Variants in NDUFAF6 observed in about 807,000 individuals in gnomAD.
The protein encoded by NDUFAF6 is NADH dehydrogenase (ubiquinone) complex I, assembly factor 6.
NDUFAF6 carries 45 observed loss-of-function variants against 40.8 expected under a neutral mutation model. That is an observed-to-expected ratio of 1.10 (90% CI 0.87 to 1.42). The LOEUF (loss-of-function observed/expected upper bound fraction) is 1.42, where lower values mean the gene tolerates loss of function less well. Ranked by LOEUF, NDUFAF6 falls within the 40% of genes most tolerant of loss-of-function variation. The pLI is 0.00. For synonymous variants in NDUFAF6, 185 were observed against 155.9 expected (o/e 1.19, Z -1.39); for missense variants, 435 against 418.5 (o/e 1.04, Z -0.34).
At chr8:94,948,557 G>A (rs1822222767) in intron 2 of NDUFAF6, among the ~76,000 whole-genome samples, 1 of 152,168 alleles carries the variant, frequency 6.6e-6, no homozygotes, top group Non-Finnish European at 1.5e-5. Flanking sequence ...CCGGGTCACG[G>A]AGCAGGTTCC....
intron 1 of NDUFAF6, among the ~76,000 whole-genome samples, chr8:94,964,428 CAAAA>C (rs71569104): frequency 1.6e-4 from 11 of 68,990 alleles, no homozygotes; most frequent in African/African-American, 1.9e-4. Context: ...GACCCTGTCT[CAAAA>C]AAAAAAAAAA....
intron 2 of NDUFAF6, among the ~76,000 whole-genome samples, chr8:94,997,359 G>GAC (rs1826499216): frequency 3.3e-5 from 5 of 150,488 alleles, no homozygotes; most frequent in African/African-American, 4.9e-5. Context: ...GAGAGAGAGA[G>GAC]AGAGAGACAG....
At chr8:94,927,021 G>T (rs1281592278) in intron 1 of NDUFAF6, 2 of 152,200 alleles carry the variant, frequency 1.3e-5, no homozygotes, top group Non-Finnish European at 2.9e-5. Context: ...AAAATAAAAA[G>T]ATAATTTTAA....
intron 2 of NDUFAF6, among the ~76,000 whole-genome samples, chr8:94,946,924 G>C (rs969454445): frequency 1.3e-5 from 2 of 152,208 alleles, no homozygotes; most frequent in South Asian, 4.1e-4. Flanking sequence ...CCAGTTGTGA[G>C]ACTGTCAACA....
At position 94,980,897 on chromosome 8, in the gene NDUFAF6, C is replaced by A. The variant is rs185119142; in HGVS notation, c.-160C>A. 3 of 456,268 alleles carry A rather than the reference C, an allele frequency of 6.6e-6. No homozygotes were observed. In the Admixed American group the frequency reaches 7.1e-5, roughly 11 times the overall value. The allele number at this position is 456,268 out of a possible 1,614,324, so 28.3% of individuals were successfully genotyped here. A position where few individuals can be genotyped will look rare whatever the true frequency, so the allele number is the denominator to read the frequency against. ...ACCCATGAAGTGTCTGGAGCTCCAC[C>A]CTCTGCTCAAGAGGAACGGCACATG... On this transcript the variant is annotated 5_prime_UTR_variant, in exon 2 of 10. Coordinates refer to the NDUFAF6 transcript ENST00000396111.
intron 1 of NDUFAF6, among the ~76,000 whole-genome samples, chr8:94,913,218 T>G (rs1465275079): frequency 6.6e-6 from 1 of 152,166 alleles, no homozygotes; most frequent in Admixed American, 6.5e-5. Flanking sequence ...GCAGGGGACA[T>G]CTGATGCCAG....
intron 1 of NDUFAF6, among the ~76,000 whole-genome samples, chr8:94,969,078 C>G (rs1824251788): frequency 6.6e-6 from 1 of 152,132 alleles, no homozygotes; most frequent in Non-Finnish European, 1.5e-5. Flanking sequence ...AAGTTGGAGT[C>G]TGGAGTTCCG....
At chr8:94,897,706 C>T (rs1310385223) in intron 1 of NDUFAF6, among the ~76,000 whole-genome samples, 9 of 131,944 alleles carry the variant, frequency 6.8e-5, no homozygotes, top group African/African-American at 2.0e-4. Flanking sequence ...TATTCTGTGC[C>T]TTTTTTTTTT....
intron 7 of NDUFAF6, among the ~76,000 whole-genome samples, chr8:95,049,469 G>A (rs1279028999): frequency 6.6e-6 from 1 of 152,144 alleles, no homozygotes; most frequent in African/African-American, 2.4e-5. Context: ...GGTTCTCCTT[G>A]AAATGTGTCT....
intron 2 of NDUFAF6, among the ~76,000 whole-genome samples, chr8:95,007,659 GTTTTTTT>G (rs553474402): frequency 9.6e-6 from 1 of 103,788 alleles, no homozygotes; most frequent in Non-Finnish European, 1.9e-5. Flanking sequence ...GTGAGGCTCT[GTTTTTTT>G]TTTTTTTTTT....
chr8:94,935,542 T>G (rs1820898183), intron 1 of NDUFAF6, among the ~76,000 whole-genome samples: 1 of 152,206 alleles, frequency 6.6e-6, no homozygotes, highest in African/African-American at 2.4e-5. Context: ...GACAGATTGA[T>G]TAATCAAGAT....
intron 2 of NDUFAF6, among the ~76,000 whole-genome samples, chr8:95,012,262 T>A (rs1827255109): frequency 6.6e-6 from 1 of 152,232 alleles, no homozygotes; most frequent in African/African-American, 2.4e-5. Context: ...GTCTTCTTAC[T>A]GCTTTGTAAA....
chr8:95,016,686 G>A (rs889358740), intron 2 of NDUFAF6, among the ~76,000 whole-genome samples: 2 of 152,168 alleles, frequency 1.3e-5, no homozygotes, highest in African/African-American at 4.8e-5. Context: ...AGGTTGCAGT[G>A]AGCTGAGATT....
chr8:94,942,723 G>C (rs182310480), intron 1 of NDUFAF6, among the ~76,000 whole-genome samples: 1 of 152,294 alleles, frequency 6.6e-6, no homozygotes, highest in East Asian at 1.9e-4. Flanking sequence ...TGTTCTCCAG[G>C]CTACCTGGGT....
At position 95,035,553 on chromosome 8, in the gene NDUFAF6, C is replaced by T. The variant is rs1399571315; in HGVS notation, c.397C>T (p.Pro133Ser). ...ATACTGTGACAATCCACCACATCAG[C>T]CTGTGGCCATTGAACTATGGAAGGT... ...DIYCDNPPHQ[P>S]VAIELWKAVK... The change falls in exon 3 of 9, where the codon CCT (proline) becomes TCT (serine). Residue 133 changes from proline (P) to serine (S), a missense_variant. Transcript: ENST00000396124. 1 of 1,610,502 alleles carries T rather than the reference C, an allele frequency of 6.2e-7. No homozygotes were observed. The highest frequency in any genetic ancestry group is 8.5e-7 in the Non-Finnish European group (1 of 1,179,290).
chr8:95,062,969 C>G (rs1832608075), downstream of NDUFAF6, among the ~76,000 whole-genome samples: 1 of 152,150 alleles, frequency 6.6e-6, no homozygotes, highest in Admixed American at 6.5e-5. Context: ...GAGTCTGTGT[C>G]AAAGCTGTGG....
Position 95,025,827 on chromosome 8 carries a change from A to G in NDUFAF6, c.197+622A>G, listed in dbSNP as rs530666992. Among the ~76,000 whole-genome samples, 19 of 152,354 alleles carry G rather than the reference A, an allele frequency of 1.2e-4. No homozygotes were observed. In the East Asian group the frequency reaches 3.5e-3, roughly 28 times the overall value. On this transcript the variant is annotated intron_variant, in intron 1 of 8. Coordinates refer to ENST00000396124, the MANE Select transcript of NDUFAF6 (RefSeq NM_152416.4). ...CTGAAGTGTTTTGTTTGTCGGGCGT[A>G]GTGCTGGGAAGGCCTGGCACTTGGG...
intron 1 of NDUFAF6, among the ~76,000 whole-genome samples, chr8:94,978,834 T>A (rs1048232973): frequency 6.6e-6 from 1 of 152,124 alleles, no homozygotes; most frequent in Admixed American, 6.6e-5. Flanking sequence ...GAAGTGTGGG[T>A]AACCTAGGGA....
chr8:95,007,659 GTTT>G (rs553474402), intron 2 of NDUFAF6, among the ~76,000 whole-genome samples: 1 of 103,814 alleles, frequency 9.6e-6, no homozygotes, highest in African/African-American at 3.6e-5. Flanking sequence ...GTGAGGCTCT[GTTT>G]TTTTTTTTTT....
Sources: gnomAD v4.1 joint callset for allele counts (sites outside exome capture counted in the v4.1 genomes callset) on GRCh38, gnomAD v4.1.1 for gene constraint, MANE v1.5 for transcripts, NCBI Gene and HGNC (gene_info 2026-07-23, HGNC 2026-07-21) for gene names.